Variants in DCDC1 observed in about 807,000 individuals in gnomAD.
The protein encoded by DCDC1 is doublecortin domain containing 1.
In DCDC1, 200 loss-of-function variants were observed where a neutral mutation model predicts 178.3. That is an observed-to-expected ratio of 1.12 (90% CI 1.00 to 1.26). The LOEUF (loss-of-function observed/expected upper bound fraction) is 1.26. Ranked by LOEUF, DCDC1 falls within the 50% of genes most tolerant of loss-of-function variation. The probability of loss-of-function intolerance (pLI) is 0.00; values close to 1 mark genes in which losing one functional copy is unlikely to be tolerated. For missense variants in DCDC1, 1,983 were observed against 1,749.2 expected (o/e 1.13, Z -2.38); for synonymous variants, 690 against 604.8 (o/e 1.14, Z -2.07).
chr11:30,923,400 C>CTT (rs1946379555), intron 23 of DCDC1, among the ~76,000 whole-genome samples: 7 of 79,026 alleles, frequency 8.9e-5, no homozygotes, highest in Non-Finnish European at 2.0e-4. Context: ...TTCCTCTTCT[C>CTT]CTTTTTTTTT....
intron 20 of DCDC1, among the ~76,000 whole-genome samples, chr11:30,971,113 A>T (rs541852304): frequency 6.6e-6 from 1 of 152,334 alleles, no homozygotes; most frequent in East Asian, 1.9e-4. Flanking sequence ...AATCACAGAC[A>T]TTACTGACCC....
At chr11:30,904,580 G>A (rs1944928026) in intron 31 of DCDC1, 1 of 212,940 alleles carries the variant, frequency 4.7e-6, no homozygotes, top group African/African-American at 2.3e-5. Context: ...ACTCCAGATG[G>A]TGAATGAGGT....
intron 20 of DCDC1, among the ~76,000 whole-genome samples, chr11:31,049,763 G>A (rs1021353795): frequency 4.6e-5 from 7 of 152,276 alleles, no homozygotes; most frequent in Admixed American, 6.5e-5. Context: ...GTCTGTTTGC[G>A]GGAGAAGTTT....
At chr11:31,150,405 A>T (rs1965032845) in intron 9 of DCDC1, among the ~76,000 whole-genome samples, 1 of 152,234 alleles carries the variant, frequency 6.6e-6, no homozygotes, top group African/African-American at 2.4e-5. Flanking sequence ...TAAATGAAAA[A>T]TCAAGTCTCA....
chr11:30,875,318 C>T (rs1382567357), intron 38 of DCDC1, among the ~76,000 whole-genome samples: 1 of 152,064 alleles, frequency 6.6e-6, no homozygotes, highest in Non-Finnish European at 1.5e-5. Context: ...ACTTACCTAG[C>T]CTCGTAGAGG....
At chr11:31,035,729 C>T (rs2135308735) in intron 20 of DCDC1, among the ~76,000 whole-genome samples, 1 of 152,322 alleles carries the variant, frequency 6.6e-6, no homozygotes, top group South Asian at 2.1e-4. Flanking sequence ...TCTTGCTTTT[C>T]CTTAAACTTT....
At chr11:30,958,159 A>T (rs1045250813) in intron 20 of DCDC1, among the ~76,000 whole-genome samples, 1 of 152,190 alleles carries the variant, frequency 6.6e-6, no homozygotes, top group Non-Finnish European at 1.5e-5. Flanking sequence ...CACATTATTA[A>T]TGATTTCACC....
chr11:30,934,771 A>C (rs1947166738), intron 21 of DCDC1, among the ~76,000 whole-genome samples: 1 of 152,188 alleles, frequency 6.6e-6, no homozygotes. Flanking sequence ...GCAGCAACAC[A>C]TGTAACAGTT....
intron 17 of DCDC1, among the ~76,000 whole-genome samples, chr11:31,087,555 C>A (rs1957553551): frequency 6.6e-6 from 1 of 151,972 alleles, no homozygotes. Flanking sequence ...TCATTCAGTT[C>A]AAAATACTTG....
chr11:30,951,775 T>C (rs1948441299), intron 21 of DCDC1, among the ~76,000 whole-genome samples: 1 of 151,288 alleles, frequency 6.6e-6, no homozygotes, highest in Admixed American at 6.6e-5. Context: ...ATGGGGAAAA[T>C]GTAATGAGAA....
Position 31,251,596 on chromosome 11 carries a change from T to G in DCDC1, c.1055-9980A>C, listed in dbSNP as rs544908401. ...CGTGAACCAATTCCTTAAAACAAAT[T>G]AAGAGAGAGACAGAGAAACAGAGAG... On this transcript the variant is annotated intron_variant, in intron 8 of 38. Coordinates refer to ENST00000684477, the MANE Select transcript of DCDC1 (RefSeq NM_001387274.1). Among the ~76,000 whole-genome samples, 5 of 150,968 alleles carry G rather than the reference T, an allele frequency of 3.3e-5. No individual in the cohort carries two copies. The East Asian group carries it at 9.8e-4, about 29-fold the overall frequency.
intron 7 of DCDC1, among the ~76,000 whole-genome samples, chr11:31,276,034 C>A (rs1282253982): frequency 6.6e-6 from 1 of 152,238 alleles, no homozygotes; most frequent in Non-Finnish European, 1.5e-5. Flanking sequence ...GCAATCACAG[C>A]TGGAATTCTG....
At chr11:31,006,406 G>A (rs1951848351) in intron 20 of DCDC1, among the ~76,000 whole-genome samples, 2 of 152,082 alleles carry the variant, frequency 1.3e-5, no homozygotes, top group South Asian at 2.1e-4. Context: ...TTTCCTCTGG[G>A]TTGATGACTG....
intron 2 of DCDC1, among the ~76,000 whole-genome samples, chr11:31,333,454 C>T (rs1193706933): frequency 1.3e-5 from 2 of 152,124 alleles, no homozygotes; most frequent in Non-Finnish European, 2.9e-5. Flanking sequence ...CCATTAGTTG[C>T]TGCAGTTTCT....
chr11:31,122,766 A>G (rs1317982161), intron 11 of DCDC1, among the ~76,000 whole-genome samples: 1 of 152,160 alleles, frequency 6.6e-6, no homozygotes, highest in Admixed American at 6.6e-5. Context: ...TTAATCAATG[A>G]CATGGGCAAG....
intron 7 of DCDC1, among the ~76,000 whole-genome samples, chr11:31,281,195 T>C (rs1337975512): frequency 6.6e-6 from 1 of 152,130 alleles, no homozygotes; most frequent in Non-Finnish European, 1.5e-5. Context: ...TGTCTATAAA[T>C]AAAATAGTTT....
At chr11:31,034,758 G>C (rs1486262714) in intron 20 of DCDC1, among the ~76,000 whole-genome samples, 1 of 152,102 alleles carries the variant, frequency 6.6e-6, no homozygotes, top group Non-Finnish European at 1.5e-5. Context: ...AGAATATATG[G>C]GGTCATTTAG....
At chr11:31,244,700 T>C (rs751546099) in intron 8 of DCDC1, among the ~76,000 whole-genome samples, 10 of 151,892 alleles carry the variant, frequency 6.6e-5, no homozygotes, top group Middle Eastern at 3.4e-3. Context: ...AAGTTAATCA[T>C]CCCTTAAATT....
At chr11:30,999,998 A>C (rs1951483142) in intron 20 of DCDC1, among the ~76,000 whole-genome samples, 1 of 152,086 alleles carries the variant, frequency 6.6e-6, no homozygotes, top group African/African-American at 2.4e-5. Flanking sequence ...GGTCGGTCAA[A>C]GCCAGTGGCT....
Sources: gnomAD v4.1 joint callset for allele counts (sites outside exome capture counted in the v4.1 genomes callset) on GRCh38, gnomAD v4.1.1 for gene constraint, MANE v1.5 for transcripts, NCBI Gene and HGNC (gene_info 2026-07-23, HGNC 2026-07-21) for gene names.